Variants in PEAK1 observed in about 807,000 individuals in gnomAD.
PEAK1 encodes the protein pseudopodium enriched atypical kinase 1.
A neutral mutation model predicts 124.7 loss-of-function variants in PEAK1; 54 were observed. The ratio of observed to expected loss-of-function variants is 0.43; its 90% CI spans 0.35 to 0.54. The LOEUF (loss-of-function observed/expected upper bound fraction) is 0.54, where lower values mean the gene tolerates loss of function less well. Among genes scored for constraint, PEAK1 ranks in the 20% least tolerant of loss-of-function variants. PEAK1 has a pLI of 0.01. For missense variants in PEAK1, 2,046 were observed against 2,134.5 expected (o/e 0.96, Z 0.82); for synonymous variants, 719 against 760.0 (o/e 0.95, Z 0.89).
chr15:77,412,610 G>A (rs1164865543), intron 1 of PEAK1, among the ~76,000 whole-genome samples: 3 of 152,042 alleles, frequency 2.0e-5, no homozygotes, highest in Non-Finnish European at 2.9e-5. Context: ...ATGGATACGT[G>A]GATTAGTATA....
Position 77,158,638 on chromosome 15 carries a change from C to T in PEAK1, c.3196G>A (p.Gly1066Arg), listed in dbSNP as rs1161527768. 1 of 1,614,140 alleles carries T rather than the reference C, an allele frequency of 6.2e-7. No individual in the cohort carries two copies. The highest frequency in any genetic ancestry group is 1.1e-5 in the South Asian group (1 of 91,076). ...GTGCAGCCCCTGCCATCTTGCTTCC[C>T]AACAACAGTTCTTGGATCCCGAGGA... The part of the protein sequence containing the change: ...FSPRDPRTVV[G>R]KQDGRGCTSV... The change falls in exon 8 of 10, where the codon GGG becomes AGG. Residue 1066 changes from glycine to arginine, a missense_variant. Physicochemically the swap from Gly to Arg is moderately radical, Grantham distance 125. Coordinates refer to ENST00000682557, the MANE Select transcript of PEAK1 (RefSeq NM_001385026.1).
At chr15:77,394,008 G>C (rs990858160) in intron 1 of PEAK1, among the ~76,000 whole-genome samples, 1 of 152,158 alleles carries the variant, frequency 6.6e-6, no homozygotes, top group Non-Finnish European at 1.5e-5. Context: ...CACGGGCCTG[G>C]GACAATGATG....
intron 6 of PEAK1, among the ~76,000 whole-genome samples, chr15:77,193,252 T>C (rs1283005566): frequency 4.6e-5 from 7 of 152,264 alleles, no homozygotes; most frequent in Non-Finnish European, 1.0e-4. Context: ...AGGATACAGC[T>C]GAAAACTAGA....
chr15:77,338,056 G>C (rs80163863), intron 2 of PEAK1: 135,701 of 981,654 alleles, frequency 0.14, 10,119 homozygotes, highest in Non-Finnish European at 0.15. Context: ...AAAAATTTGA[G>C]CTTTTTTAGC....
In PEAK1 at chr15:77,113,993, T is replaced by C. The variant is rs1354200685; in HGVS notation, c.*163A>G. ...GACAGACTCAGCTTCTCATTCAATC[T>C]GGGGCAGTGGATAACCTTTCTGAAT... On this transcript the variant is annotated 3_prime_UTR_variant, in exon 10 of 10. Coordinates refer to ENST00000682557, the MANE Select transcript of PEAK1 (RefSeq NM_001385026.1). 1 of 704,072 alleles carries C rather than the reference T, an allele frequency of 1.4e-6. No homozygotes were observed. Among genetic ancestry groups the C allele is most frequent in the Non-Finnish European group, 2.4e-6 (1 of 423,968 alleles). The allele number at this position is 704,072 out of a possible 1,614,324, so 43.6% of individuals were successfully genotyped here.
At chr15:77,317,608 A>G (rs2064957193) in intron 2 of PEAK1, among the ~76,000 whole-genome samples, 2 of 152,180 alleles carry the variant, frequency 1.3e-5, no homozygotes, top group Admixed American at 1.3e-4. Flanking sequence ...AGCTGGTTAA[A>G]AACAGACAGA....
At chr15:77,235,184 T>C (rs1327384022) in intron 6 of PEAK1, among the ~76,000 whole-genome samples, 1 of 152,012 alleles carries the variant, frequency 6.6e-6, no homozygotes, top group Non-Finnish European at 1.5e-5. Context: ...AACTGGCTAA[T>C]ACAATAAATT....
intron 6 of PEAK1, among the ~76,000 whole-genome samples, chr15:77,201,855 G>A (rs1036100541): frequency 7.2e-5 from 11 of 152,052 alleles, no homozygotes; most frequent in Non-Finnish European, 1.5e-4. Flanking sequence ...ACTTAGCTAG[G>A]GGCATAAATG....
intron 6 of PEAK1, among the ~76,000 whole-genome samples, chr15:77,236,117 C>T (rs1209185545): frequency 1.3e-5 from 2 of 152,228 alleles, no homozygotes; most frequent in Non-Finnish European, 2.9e-5. Flanking sequence ...GGAGTCTCCA[C>T]ACAGAGTCCC....
At chr15:77,312,282 A>T (rs1350448578) in intron 2 of PEAK1, among the ~76,000 whole-genome samples, 1 of 152,196 alleles carries the variant, frequency 6.6e-6, no homozygotes, top group Non-Finnish European at 1.5e-5. Context: ...ATATTACTAT[A>T]TTCCATTTTT....
At chr15:77,407,694 T>C (rs2071947175) in intron 1 of PEAK1, among the ~76,000 whole-genome samples, 2 of 152,152 alleles carry the variant, frequency 1.3e-5, no homozygotes, top group South Asian at 4.1e-4. Flanking sequence ...GAAAACAGTA[T>C]GGAGATTCCT....
At chr15:77,234,909 T>C (rs1159428740) in intron 6 of PEAK1, among the ~76,000 whole-genome samples, 1 of 152,150 alleles carries the variant, frequency 6.6e-6, no homozygotes, top group East Asian at 1.9e-4. Flanking sequence ...GAGAACTGGA[T>C]CAAGGGGCGG....
chr15:77,157,633 G>A (rs2055270658), intron 8 of PEAK1: 1 of 152,144 alleles, frequency 6.6e-6, no homozygotes, highest in Non-Finnish European at 1.5e-5. Flanking sequence ...TCCAATAACA[G>A]GGATCTTTAC....
chr15:77,378,701 A>G (rs2069232626), intron 1 of PEAK1, among the ~76,000 whole-genome samples: 2 of 152,118 alleles, frequency 1.3e-5, no homozygotes, highest in Non-Finnish European at 2.9e-5. Flanking sequence ...GGCTTCAGAA[A>G]ATAGACATGT....
intron 6 of PEAK1, among the ~76,000 whole-genome samples, chr15:77,233,871 C>A (rs768374228): frequency 6.6e-6 from 1 of 151,868 alleles, no homozygotes; most frequent in Non-Finnish European, 1.5e-5. Context: ...TTAAACCTCT[C>A]TTTTTTTTGA....
chr15:77,405,281 G>C (rs919710473), intron 1 of PEAK1, among the ~76,000 whole-genome samples: 2 of 152,086 alleles, frequency 1.3e-5, no homozygotes, highest in Non-Finnish European at 2.9e-5. Flanking sequence ...TGGGATTACA[G>C]GCGTGAGCCA....
intron 8 of PEAK1, chr15:77,156,200 G>C (rs8030500): frequency 0.27 from 41,477 of 154,790 alleles, 6,762 homozygotes; most frequent in Non-Finnish European, 0.37. Flanking sequence ...CCTGGGCAAC[G>C]GCAGGCGCCC....
chr15:77,234,227 C>G (rs1458110531), intron 6 of PEAK1, among the ~76,000 whole-genome samples: 2 of 152,122 alleles, frequency 1.3e-5, no homozygotes, highest in Non-Finnish European at 2.9e-5. Flanking sequence ...TTACAAATTT[C>G]TGTAGTTTTA....
intron 7 of PEAK1, among the ~76,000 whole-genome samples, chr15:77,174,256 G>T (rs1471095132): frequency 6.6e-6 from 1 of 152,190 alleles, no homozygotes; most frequent in Non-Finnish European, 1.5e-5. Flanking sequence ...AGAGCCTGGG[G>T]TCTGGCCTTT....
Sources: gnomAD v4.1 joint callset for allele counts (sites outside exome capture counted in the v4.1 genomes callset) on GRCh38, gnomAD v4.1.1 for gene constraint, MANE v1.5 for transcripts, NCBI Gene and HGNC (gene_info 2026-07-23, HGNC 2026-07-21) for gene names.